The following LRBA variants were observed in gnomAD, a reference collection of about 807,000 sequenced individuals.
LRBA encodes LPS responsive beige-like anchor protein, also known as lipopolysaccharide-responsive and beige-like anchor protein.
Under a neutral mutation model 330.0 loss-of-function variants are expected in LRBA, and 176 were observed. The observed-to-expected ratio is 0.53, with a 90% CI of 0.47 to 0.60. The LOEUF is 0.60. Ranked by LOEUF, LRBA falls within the 20% of genes least tolerant of loss-of-function variation. The pLI is 0.00. For missense variants in LRBA, 3,259 were observed against 3,444.8 expected, an observed-to-expected ratio of 0.95 and a Z score of 1.35; for synonymous variants, 1,230 against 1,193.0, an observed-to-expected ratio of 1.03 and a Z score of -0.64.
At chr4:150,322,527 G>C (rs755113304) in intron 49 of LRBA, among the ~76,000 whole-genome samples, 23 of 152,080 alleles carry the variant, frequency 1.5e-4, no homozygotes, top group Non-Finnish European at 2.9e-4. Context: ...TAAATGTGGA[G>C]GCACATATAT....
At chr4:150,946,616 TGA>T (rs1304725295) in intron 2 of LRBA, among the ~76,000 whole-genome samples, 1 of 152,028 alleles carries the variant, frequency 6.6e-6, no homozygotes, top group Non-Finnish European at 1.5e-5. Flanking sequence ...GGGCCATACC[TGA>T]GAGGGAAATT....
chr4:150,559,681 A>C (rs1767879982), intron 40 of LRBA, among the ~76,000 whole-genome samples: 1 of 83,280 alleles, frequency 1.2e-5, no homozygotes, highest in Non-Finnish European at 2.2e-5. Context: ...ATTATATAAT[A>C]TATTATATTA....
intron 2 of LRBA, among the ~76,000 whole-genome samples, chr4:150,973,140 T>C (rs1324235864): frequency 8.2e-6 from 1 of 121,298 alleles, no homozygotes; most frequent in Non-Finnish European, 1.9e-5. Flanking sequence ...ATTAAATATT[T>C]TGTCTGTCTG....
At chr4:150,833,704 A>T (rs1408498864) in intron 28 of LRBA, among the ~76,000 whole-genome samples, 1 of 152,174 alleles carries the variant, frequency 6.6e-6, no homozygotes, top group Non-Finnish European at 1.5e-5. Flanking sequence ...CTCCACATTC[A>T]TGGATGTCGA....
At chr4:150,721,085 T>C in intron 36 of LRBA, 1 of 581,718 alleles carries the variant, frequency 1.7e-6, no homozygotes. Context: ...AGTATTTGGA[T>C]CATACAGCAG....
chr4:150,853,803 C>A (rs559222008), intron 22 of LRBA, among the ~76,000 whole-genome samples: 219 of 152,204 alleles, frequency 1.4e-3, no homozygotes, highest in Non-Finnish European at 2.6e-3. Context: ...CCCCCATCAC[C>A]CCTTGCAACA....
intron 40 of LRBA, chr4:150,584,665 A>C (rs923966857): frequency 6.0e-6 from 1 of 167,072 alleles, no homozygotes. Context: ...TGTTGAAAAC[A>C]GTAATAAAAA....
At chr4:150,953,315 TAAAAC>T (rs1355084383) in intron 2 of LRBA, among the ~76,000 whole-genome samples, 1 of 151,924 alleles carries the variant, frequency 6.6e-6, no homozygotes, top group Non-Finnish European at 1.5e-5. Flanking sequence ...TACTCATCCA[TAAAAC>T]AAATCTCAAT....
intron 40 of LRBA, among the ~76,000 whole-genome samples, chr4:150,514,666 A>C (rs2152142974): frequency 6.6e-6 from 1 of 152,272 alleles, no homozygotes; most frequent in South Asian, 2.1e-4. Flanking sequence ...GTAACATCAA[A>C]GAAAGGCATA....
At chr4:150,774,222 G>A (rs970851066) in intron 34 of LRBA, among the ~76,000 whole-genome samples, 8 of 152,098 alleles carry the variant, frequency 5.3e-5, no homozygotes, top group African/African-American at 1.4e-4. Context: ...TCCACTATCA[G>A]TTCTGACCAG....
At chr4:150,390,573 G>C (rs560720918) in intron 47 of LRBA, among the ~76,000 whole-genome samples, 1 of 152,218 alleles carries the variant, frequency 6.6e-6, no homozygotes, top group South Asian at 2.1e-4. Context: ...TCCATAGGTA[G>C]TGGGATATAA....
At chr4:150,277,419 TA>T (rs1560950936) in intron 56 of LRBA, among the ~76,000 whole-genome samples, 2 of 151,882 alleles carry the variant, frequency 1.3e-5, no homozygotes, top group South Asian at 2.1e-4. Context: ...AGGTATAATT[TA>T]AAAAAAGATA....
chr4:150,928,737 A>G (rs1734144077), intron 3 of LRBA, 97 bp downstream of exon 3: 1 of 1,299,076 alleles, frequency 7.7e-7, no homozygotes, highest in East Asian at 2.5e-5. Context: ...ACATGCTCAA[A>G]TATTTCTTAA....
chr4:150,784,711 CTTCT>C (rs1738783183), intron 34 of LRBA, among the ~76,000 whole-genome samples: 1 of 152,156 alleles, frequency 6.6e-6, no homozygotes, highest in African/African-American at 2.4e-5. Context: ...GAGCTCCTTC[CTTCT>C]TTCTTTCCCC....
chr4:150,813,081 C>T (rs949922052), intron 31 of LRBA, among the ~76,000 whole-genome samples: 1 of 150,384 alleles, frequency 6.6e-6, no homozygotes, highest in African/African-American at 2.5e-5. Context: ...CACTCAAGCC[C>T]AGGAGTTCAA....
intron 34 of LRBA, among the ~76,000 whole-genome samples, chr4:150,766,652 G>C (rs1286843359): frequency 6.6e-6 from 1 of 152,060 alleles, no homozygotes; most frequent in African/African-American, 2.4e-5. Flanking sequence ...AAGCTTAATG[G>C]TCATCGTCTT....
At chr4:150,600,637 T>C (rs1310686106) in intron 37 of LRBA, among the ~76,000 whole-genome samples, 2 of 152,092 alleles carry the variant, frequency 1.3e-5, no homozygotes, top group African/African-American at 4.8e-5. Context: ...AGTATAAGAA[T>C]TGCAGTTCTC....
intron 13 of LRBA, among the ~76,000 whole-genome samples, chr4:150,901,200 G>A (rs182804601): frequency 8.3e-4 from 126 of 152,260 alleles, no homozygotes; most frequent in East Asian, 1.2e-3. Context: ...TCAGGAGACT[G>A]AGGCAAGAGA....
intron 2 of LRBA, among the ~76,000 whole-genome samples, chr4:151,010,282 G>A (rs971586089): frequency 1.3e-5 from 2 of 152,170 alleles, no homozygotes; most frequent in African/African-American, 4.8e-5. Flanking sequence ...CCTGATGGAA[G>A]CCTTAAACTC....
Sources: allele counts gnomAD v4.1 joint callset (sites outside exome capture counted in the v4.1 genomes callset), GRCh38; gene constraint gnomAD v4.1.1; transcripts MANE v1.5; gene names NCBI Gene and HGNC (gene_info 2026-07-23, HGNC 2026-07-21).